NAALADL2: variants seen among roughly 807,000 people sequenced by gnomAD.
NAALADL2 encodes the protein N-acetylated alpha-linked acidic dipeptidase like 2.
In NAALADL2, 76 loss-of-function variants were observed where a neutral mutation model predicts 87.2. The observed-to-expected ratio is 0.87, with a 90% CI of 0.72 to 1.05. The LOEUF (loss-of-function observed/expected upper bound fraction) is 1.05, where lower values mean the gene tolerates loss of function less well. NAALADL2 is among the 50% of genes least tolerant of loss of function. NAALADL2 has a pLI of 0.00. For missense variants in NAALADL2, 1,089 were observed against 945.8 expected (o/e 1.15, Z -1.99); for synonymous variants, 354 against 331.0 (o/e 1.07, Z -0.75).
intron 11 of NAALADL2, among the ~76,000 whole-genome samples, chr3:175,690,554 C>A (rs566713086): frequency 4.6e-5 from 7 of 152,082 alleles, no homozygotes; most frequent in East Asian, 3.9e-4. Context: ...AGACAGGATT[C>A]AATATTCCTG....
At position 175,447,410 on chromosome 3, in the gene NAALADL2, T is replaced by G. The variant is rs934960405; in HGVS notation, c.1234+38T>G. 7.1e-6 allele frequency: 10 copies of G among 1,411,878 alleles called. No individual in the cohort carries two copies. In the African/African-American group the frequency reaches 1.4e-4, roughly 20 times the overall value. 87.5% of individuals were successfully genotyped at this position (1,411,878 alleles called of 1,614,324 possible). A position where few individuals can be genotyped will look rare whatever the true frequency, so the allele number is the denominator to read the frequency against. On this transcript the variant is annotated intron_variant, in intron 6 of 13. Transcript: ENST00000454872. ...ATGTCGTTCTCTGTATTTTACAGTT[T>G]TTTTAAAGACCATGATCATTTTTAA...
intron 11 of NAALADL2, among the ~76,000 whole-genome samples, chr3:175,657,539 G>A (rs1305032126): frequency 6.7e-6 from 1 of 150,330 alleles, no homozygotes; most frequent in African/African-American, 2.4e-5. Context: ...GATAAAATGA[G>A]AAACTTACAA....
intron 11 of NAALADL2, among the ~76,000 whole-genome samples, chr3:175,691,154 CAA>C (rs1225608174): frequency 6.7e-6 from 1 of 150,358 alleles, no homozygotes; most frequent in African/African-American, 2.4e-5. Context: ...TCATAAGTAA[CAA>C]AAGTCTATAT....
chr3:175,360,894 G>A lies in NAALADL2; in HGVS notation c.1090+36569G>A, dbSNP rs998545927. Among the ~76,000 whole-genome samples the A allele has an allele frequency of 1.2e-4, 18 of 147,498 alleles. No homozygotes were observed. In the East Asian group the frequency reaches 2.6e-3, roughly 21 times the overall value. The stretch of plus-strand genomic sequence containing the variant: ...TTTAATTTTTTTTATTATCCTTTAA[G>A]TTCTAGGGTACATGTGTACAACGTG... On this transcript the variant is annotated intron_variant, in intron 5 of 13. Coordinates refer to ENST00000454872, the MANE Select transcript of NAALADL2 (RefSeq NM_207015.3).
chr3:174,780,875 G>T (rs1397382567), intron 3 of NAALADL2, among the ~76,000 whole-genome samples: 2 of 151,996 alleles, frequency 1.3e-5, no homozygotes, highest in Non-Finnish European at 2.9e-5. Flanking sequence ...TCGTACTGTT[G>T]ATGGTCTTTA....
intron 1 of NAALADL2, among the ~76,000 whole-genome samples, chr3:174,927,199 T>A (rs1205331706): frequency 6.6e-6 from 1 of 152,116 alleles, no homozygotes; most frequent in South Asian, 2.1e-4. Flanking sequence ...AGCACCCAGA[T>A]TCATAAAGCA....
chr3:174,843,043 G>A (rs78773662), intron 3 of NAALADL2, among the ~76,000 whole-genome samples: 2,536 of 152,038 alleles, frequency 0.017, 71 homozygotes, highest in African/African-American at 0.059. Context: ...TGATACATAT[G>A]ACAATCAAAT....
rs1024642907 is a variant in NAALADL2, at chr3:175,256,546, G to T, written c.939+16G>T. 6.2e-7 allele frequency: 1 copy of T among 1,604,664 alleles called. No homozygotes were observed. The highest frequency in any genetic ancestry group is 1.3e-5 in the African/African-American group (1 of 74,324). ...GCTTTATAAGGTTGGTCCAGTGAAT[G>T]TTATTCAGTGGTTTGGTCAATATTT... On this transcript the variant is annotated intron_variant, in intron 4 of 13. Transcript: ENST00000454872.
At chr3:175,690,352 G>A (rs1039207691) in intron 11 of NAALADL2, among the ~76,000 whole-genome samples, 7 of 152,116 alleles carry the variant, frequency 4.6e-5, no homozygotes, top group African/African-American at 9.6e-5. Context: ...GAAACACATC[G>A]TAAGAGGGTC....
intron 3 of NAALADL2, among the ~76,000 whole-genome samples, chr3:175,255,969 C>G (rs1249389189): frequency 6.6e-6 from 1 of 152,302 alleles, no homozygotes; most frequent in South Asian, 2.1e-4. Flanking sequence ...GATGACCATG[C>G]AAGTGAGGAC....
chr3:175,077,353 A>G (rs1716793920), intron 1 of NAALADL2, among the ~76,000 whole-genome samples: 2 of 152,228 alleles, frequency 1.3e-5, no homozygotes, highest in South Asian at 4.1e-4. Flanking sequence ...AGGAAAAGAA[A>G]AGCAGAAAGG....
At chr3:175,322,995 C>A (rs1351413190) in intron 4 of NAALADL2, among the ~76,000 whole-genome samples, 1 of 151,730 alleles carries the variant, frequency 6.6e-6, no homozygotes, top group Non-Finnish European at 1.5e-5. Context: ...TGGGTATATA[C>A]CCAAAAGACT....
chr3:175,380,597 T>C (rs1767673288), intron 5 of NAALADL2, among the ~76,000 whole-genome samples: 2 of 152,158 alleles, frequency 1.3e-5, no homozygotes. Context: ...TAATACAAAC[T>C]TTTTCATAGG....
chr3:174,658,493 T>G (rs1269355086), intron 2 of NAALADL2, among the ~76,000 whole-genome samples: 3 of 152,156 alleles, frequency 2.0e-5, no homozygotes, highest in Admixed American at 6.5e-5. Flanking sequence ...TTTAGAAATT[T>G]TTTTGTATAT....
At chr3:175,454,215 G>C (rs1721993795) in intron 6 of NAALADL2, among the ~76,000 whole-genome samples, 1 of 151,874 alleles carries the variant, frequency 6.6e-6, no homozygotes, top group Non-Finnish European at 1.5e-5. Context: ...ATCTTAATTA[G>C]GGTTTCTTCT....
At chr3:175,791,850 C>CTCT (rs1396904692) in intron 13 of NAALADL2, among the ~76,000 whole-genome samples, 1 of 150,014 alleles carries the variant, frequency 6.7e-6, no homozygotes, top group Non-Finnish European at 1.5e-5. Context: ...CCTGAGGACC[C>CTCT]TCTTCAACCC....
At chr3:174,531,682 T>C (rs1213776386) in intron 1 of NAALADL2, among the ~76,000 whole-genome samples, 1 of 152,196 alleles carries the variant, frequency 6.6e-6, no homozygotes, top group African/African-American at 2.4e-5. Context: ...TGCTTTTTGG[T>C]AAACTCGATT....
intron 2 of NAALADL2, among the ~76,000 whole-genome samples, chr3:175,167,084 T>C (rs1041003415): frequency 5.3e-5 from 8 of 152,094 alleles, no homozygotes; most frequent in African/African-American, 1.9e-4. Flanking sequence ...TCTCCATTCT[T>C]GTTTCCTTCT....
intron 11 of NAALADL2, among the ~76,000 whole-genome samples, chr3:175,670,396 T>G (rs912160846): frequency 1.4e-5 from 2 of 144,888 alleles, no homozygotes; most frequent in Admixed American, 6.8e-5. Context: ...CATTTAATTA[T>G]ATTAAATTTA....
Sources: gnomAD v4.1 joint callset for allele counts (sites outside exome capture counted in the v4.1 genomes callset) on GRCh38, gnomAD v4.1.1 for gene constraint, MANE v1.5 for transcripts, NCBI Gene and HGNC (gene_info 2026-07-23, HGNC 2026-07-21) for gene names.